CYP2C18: variants seen among roughly 807,000 people sequenced by gnomAD.
The protein encoded by CYP2C18 is cytochrome P450 2C18.
Under a neutral mutation model 41.3 loss-of-function variants are expected in CYP2C18, and 38 were observed. The observed-to-expected ratio is 0.92, with a 90% CI of 0.71 to 1.21. The LOEUF (loss-of-function observed/expected upper bound fraction) is 1.21. Among genes scored for constraint, CYP2C18 ranks in the 50% most tolerant of loss-of-function variants. The probability of loss-of-function intolerance (pLI) is 0.00; values close to 1 mark genes in which losing one functional copy is unlikely to be tolerated. For synonymous variants in CYP2C18, 236 were observed against 210.0 expected (o/e 1.12, Z -1.07); for missense variants, 635 against 591.4 (o/e 1.07, Z -0.77).
At chr10:94,697,262 T>G (rs144443817) in intron 4 of CYP2C18, among the ~76,000 whole-genome samples, 7,269 of 152,276 alleles carry the variant, frequency 0.048, 235 homozygotes, top group South Asian at 0.11. Flanking sequence ...GGGAAGCCCA[T>G]CAGACTAACA....
intron 7 of CYP2C18, among the ~76,000 whole-genome samples, chr10:94,731,336 C>T (rs1208399453): frequency 6.6e-6 from 1 of 151,520 alleles, no homozygotes; most frequent in African/African-American, 2.4e-5. Flanking sequence ...GCAGAGATCA[C>T]ACTATTGTAC....
intron 4 of CYP2C18, among the ~76,000 whole-genome samples, chr10:94,696,927 C>T (rs1322419346): frequency 1.3e-5 from 2 of 151,472 alleles, no homozygotes; most frequent in East Asian, 1.9e-4. Context: ...AGAAGTTTAG[C>T]AAAAAAAGAA....
chr10:94,712,030 T>TTTTTTTTTTTTTTTTGG (rs1847446565), intron 5 of CYP2C18, among the ~76,000 whole-genome samples: 1 of 98,432 alleles, frequency 1.0e-5, no homozygotes, highest in African/African-American at 3.5e-5. Context: ...TTTTTTTTTG[T>TTTTTTTTTTTTTTTTGG]AGAGATAGGG....
intron 3 of CYP2C18, among the ~76,000 whole-genome samples, chr10:94,691,447 C>T (rs1246908442): frequency 6.6e-6 from 1 of 152,052 alleles, no homozygotes; most frequent in East Asian, 1.9e-4. Context: ...AATAAAATAC[C>T]TAGGAATCCA....
intron 4 of CYP2C18, among the ~76,000 whole-genome samples, chr10:94,702,228 C>T (rs759155826): frequency 1.3e-5 from 2 of 152,042 alleles, no homozygotes; most frequent in African/African-American, 2.4e-5. Context: ...TTGCTATTCT[C>T]GAGGAGTATC....
chr10:94,716,162 G>GCAT (rs1847538932), intron 5 of CYP2C18, among the ~76,000 whole-genome samples: 1 of 151,746 alleles, frequency 6.6e-6, no homozygotes, highest in African/African-American at 2.4e-5. Flanking sequence ...TTTTTGAAGG[G>GCAT]TTTTTGTGTC....
At chr10:94,712,341 C>G (rs1016715069) in intron 5 of CYP2C18, among the ~76,000 whole-genome samples, 2 of 151,840 alleles carry the variant, frequency 1.3e-5, no homozygotes, top group Non-Finnish European at 2.9e-5. Context: ...TATCATCTCC[C>G]CCTTTCCCCC....
rs188283849 is a variant in CYP2C18, at chr10:94,706,631, T to G, written c.643-153T>G. ...TTTCTAACTTAAATCTTTCTATCAG[T>G]ATAGAGGACTACTTTGTACGTATAA... On this transcript the variant is annotated intron_variant, in intron 4 of 8. Transcript: ENST00000285979. Among the ~76,000 whole-genome samples the G allele has an allele frequency of 5.3e-5, 8 of 152,334 alleles. No homozygotes were observed. In the East Asian group the frequency reaches 1.5e-3, roughly 29 times the overall value.
chr10:94,732,736 A>G (rs1847854515), intron 7 of CYP2C18, among the ~76,000 whole-genome samples: 1 of 151,982 alleles, frequency 6.6e-6, no homozygotes, highest in African/African-American at 2.4e-5. Flanking sequence ...ACGTTCTCAC[A>G]AGGAGGAGTT....
intron 3 of CYP2C18, among the ~76,000 whole-genome samples, chr10:94,692,135 C>T (rs1158898160): frequency 6.6e-6 from 1 of 152,096 alleles, no homozygotes; most frequent in Non-Finnish European, 1.5e-5. Context: ...ATGTCTAAAA[C>T]ACCAAAAACA....
chr10:94,726,449 T>C (rs1215988520), intron 7 of CYP2C18, among the ~76,000 whole-genome samples: 1 of 152,150 alleles, frequency 6.6e-6, no homozygotes, highest in Non-Finnish European at 1.5e-5. Context: ...TGTTTGGTTT[T>C]CTGATCTTGT....
chr10:94,687,989 T>C (rs1430446538), intron 2 of CYP2C18, 57 bp downstream of exon 2: 1 of 1,600,088 alleles, frequency 6.2e-7, no homozygotes, highest in African/African-American at 1.3e-5. Context: ...GCAGTGGCTA[T>C]AGGGATGGGG....
chr10:94,712,659 A>G (rs1323680520), intron 5 of CYP2C18, among the ~76,000 whole-genome samples: 1 of 152,180 alleles, frequency 6.6e-6, no homozygotes, highest in Non-Finnish European at 1.5e-5. Context: ...ATGGGAGTGC[A>G]GACATTGCTT....
intron 7 of CYP2C18, chr10:94,728,482 A>T (rs905205522): frequency 1.8e-5 from 3 of 171,256 alleles, no homozygotes; most frequent in Non-Finnish European, 3.5e-5. Flanking sequence ...TCCTTGCCCG[A>T]ATCTATGGTC....
chr10:94,729,608 A>T (rs2134209791), intron 7 of CYP2C18, among the ~76,000 whole-genome samples: 1 of 152,296 alleles, frequency 6.6e-6, no homozygotes, highest in African/African-American at 2.4e-5. Flanking sequence ...TTGAATTATC[A>T]ATTCGAAAAA....
intron 5 of CYP2C18, among the ~76,000 whole-genome samples, chr10:94,716,235 G>T (rs143903751): frequency 0.17 from 25,391 of 151,656 alleles, 2,325 homozygotes; most frequent in South Asian, 0.33. Flanking sequence ...CTTTTGAATG[G>T]GTTTGCTCTT....
intron 8 of CYP2C18, 50 bp downstream of exon 8, chr10:94,733,488 TG>T (rs1308658871): frequency 1.2e-6 from 2 of 1,604,678 alleles, no homozygotes; most frequent in African/African-American, 2.7e-5. Context: ...GATACCTTTT[TG>T]GGATCAGTTG....
At chr10:94,707,897 T>C (rs1025913463) in intron 5 of CYP2C18, among the ~76,000 whole-genome samples, 3 of 152,020 alleles carry the variant, frequency 2.0e-5, no homozygotes, top group Non-Finnish European at 4.4e-5. Flanking sequence ...ATTCAGATGG[T>C]GAATTTGAAT....
chr10:94,693,426 C>A (rs1029168988), intron 3 of CYP2C18, among the ~76,000 whole-genome samples: 1 of 152,224 alleles, frequency 6.6e-6, no homozygotes, highest in Middle Eastern at 3.4e-3. Context: ...GAACTAGGAG[C>A]CAATTAAACC....
Sources: allele counts gnomAD v4.1 joint callset (sites outside exome capture counted in the v4.1 genomes callset), GRCh38; gene constraint gnomAD v4.1.1; transcripts MANE v1.5; gene names NCBI Gene and HGNC (gene_info 2026-07-23, HGNC 2026-07-21).